FGF12: variants seen among roughly 807,000 people sequenced by gnomAD.
The protein encoded by FGF12 is fibroblast growth factor 12B.
Under a neutral mutation model 23.6 loss-of-function variants are expected in FGF12, and 14 were observed. The observed-to-expected ratio is 0.59, with a 90% confidence interval of 0.39 to 0.93. The LOEUF is 0.93. Among genes scored for constraint, FGF12 ranks in the 40% least tolerant of loss-of-function variants. The pLI is 0.00. For synonymous variants in FGF12, 62 were observed against 77.3 expected (o/e 0.80, Z 1.04); for missense variants, 175 against 217.8 (o/e 0.80, Z 1.24).
At chr3:192,301,682 G>A (rs1232401869) in intron 4 of FGF12, among the ~76,000 whole-genome samples, 1 of 152,188 alleles carries the variant, frequency 6.6e-6, no homozygotes, top group African/African-American at 2.4e-5. Flanking sequence ...AGAGTGGAGG[G>A]AGGGTGTTCC....
chr3:192,558,406 A>G (rs1476147440), intron 2 of FGF12, among the ~76,000 whole-genome samples: 2 of 151,964 alleles, frequency 1.3e-5, no homozygotes, highest in African/African-American at 4.8e-5. Flanking sequence ...TAAAAACTAC[A>G]AAACTTTGTT....
intron 2 of FGF12, among the ~76,000 whole-genome samples, chr3:192,483,442 GTC>G (rs1723538196): frequency 6.6e-6 from 1 of 152,090 alleles, no homozygotes; most frequent in African/African-American, 2.4e-5. Context: ...AATGTCTAAT[GTC>G]TCTTACTGAA....
intron 2 of FGF12, among the ~76,000 whole-genome samples, chr3:192,456,111 G>A (rs1206329238): frequency 6.6e-6 from 1 of 152,186 alleles, no homozygotes; most frequent in Non-Finnish European, 1.5e-5. Flanking sequence ...GACAAAATAT[G>A]AGAGATGATA....
chr3:192,445,065 G>A (rs1388789929), intron 2 of FGF12, among the ~76,000 whole-genome samples: 1 of 152,194 alleles, frequency 6.6e-6, no homozygotes, highest in Non-Finnish European at 1.5e-5. Context: ...TTAAAGCAGA[G>A]CACTAATTAC....
chr3:192,380,345 G>T (rs1719763283), intron 2 of FGF12, among the ~76,000 whole-genome samples: 1 of 152,086 alleles, frequency 6.6e-6, no homozygotes, highest in Non-Finnish European at 1.5e-5. Context: ...GATAATTTAT[G>T]GTTGATTTCA....
intron 2 of FGF12, among the ~76,000 whole-genome samples, chr3:192,502,351 T>A (rs779143061): frequency 2.0e-5 from 3 of 152,174 alleles, no homozygotes; most frequent in Non-Finnish European, 4.4e-5. Flanking sequence ...TGTTTGAAAA[T>A]CCTTGTTTAT....
rs148716158 is a variant in FGF12 at position 192,693,525 on chromosome 3, G to T, written c.13+33656C>A. Among the ~76,000 whole-genome samples the T allele has an allele frequency of 4.3e-3, 647 of 151,994 alleles. 4 individuals are homozygous for T. Among genetic ancestry groups the T allele is most frequent in the African/African-American group, 0.015 (623 of 41,452 alleles). Reference sequence around the variant, plus strand: ...TCCCGATTTCAAATTATATTACCAAGATAAAAACAATATAGTACTACCATG... The same window carrying T: ...TCCCGATTTCAAATTATATTACCAATATAAAAACAATATAGTACTACCATG... On this transcript the variant is annotated intron_variant, in intron 2 of 5. Transcript: ENST00000445105.
chr3:192,680,490 G>C (rs546189702), intron 2 of FGF12, among the ~76,000 whole-genome samples: 17 of 152,204 alleles, frequency 1.1e-4, no homozygotes, highest in African/African-American at 4.1e-4. Context: ...TTTTGCAGGG[G>C]TTATTCAGGT....
Position 192,146,526 on chromosome 3 carries a change from C to T in FGF12, c.428-2399G>A, listed in dbSNP as rs989846682. Among the ~76,000 whole-genome samples the T allele has an allele frequency of 2.0e-5, 3 of 152,164 alleles. No homozygotes were observed. In the East Asian group the frequency reaches 5.8e-4, roughly 29 times the overall value. On this transcript the variant is annotated intron_variant, in intron 5 of 5. Coordinates refer to ENST00000445105, the MANE Select transcript of FGF12 (RefSeq NM_004113.6). ...CCTCGTGATCCACCCGCCTCGACCT[C>T]CCAAAGTGCTGGGATTACAGGCATG...
At chr3:192,504,193 T>C (rs907746034) in intron 2 of FGF12, among the ~76,000 whole-genome samples, 2 of 151,762 alleles carry the variant, frequency 1.3e-5, no homozygotes, top group African/African-American at 4.8e-5. Flanking sequence ...TACTTGAGAG[T>C]GGAGGGTGTG....
At chr3:192,371,735 T>C (rs1258460205) in intron 2 of FGF12, among the ~76,000 whole-genome samples, 3 of 107,770 alleles carry the variant, frequency 2.8e-5, no homozygotes, top group East Asian at 3.9e-4. Flanking sequence ...GGTACTATCA[T>C]TGGGCTTTTT....
intron 4 of FGF12, among the ~76,000 whole-genome samples, chr3:192,291,664 T>C (rs1228299515): frequency 6.6e-6 from 1 of 152,098 alleles, no homozygotes. Flanking sequence ...ATGAATACTC[T>C]GGGAAGTACT....
intron 2 of FGF12, among the ~76,000 whole-genome samples, chr3:192,605,558 A>G (rs1157314385): frequency 6.6e-6 from 1 of 152,140 alleles, no homozygotes; most frequent in Admixed American, 6.6e-5. Context: ...TAAACAGACA[A>G]CCTACAGAAA....
chr3:192,375,511 T>G lies in FGF12; in HGVS notation c.14-14973A>C, dbSNP rs75335058. On this transcript the variant is annotated intron_variant, in intron 2 of 5. Transcript: ENST00000445105. ...GCTTTTATCAAATAATGCAAACGGC[T>G]AAAAACTCAAATCCACATATTCCTA... 2.6e-3 allele frequency among the ~76,000 whole-genome samples: 389 copies of G among 152,328 alleles called. 2 individuals carry two copies. Among genetic ancestry groups the G allele is most frequent in the African/African-American group, 8.8e-3 (366 of 41,592 alleles).
At position 192,397,450 on chromosome 3, in the gene FGF12, T is replaced by C. The variant is rs989644093; in HGVS notation, c.14-36912A>G. ...TTCCTAGAATTCTGAGCTTCTGAAC[T>C]ATCACCTCATATGCCATCTCTTCTT... On this transcript the variant is annotated intron_variant, in intron 2 of 5. Transcript: ENST00000445105. Among the ~76,000 whole-genome samples the C allele has an allele frequency of 2.0e-5, 3 of 152,336 alleles. No homozygotes were observed. In the East Asian group the frequency reaches 5.8e-4, roughly 29 times the overall value.
At chr3:192,261,531 AT>A (rs1372790824) in intron 4 of FGF12, among the ~76,000 whole-genome samples, 1 of 152,132 alleles carries the variant, frequency 6.6e-6, no homozygotes, top group African/African-American at 2.4e-5. Flanking sequence ...TAATTACTGA[AT>A]TGGCACTATG....
Position 192,332,132 on chromosome 3 carries a change from T to C in FGF12, c.228+3229A>G, listed in dbSNP as rs1346046478. 3.3e-5 allele frequency among the ~76,000 whole-genome samples: 5 copies of C among 152,168 alleles called. No homozygotes were observed. The South Asian group carries it at 6.2e-4, about 19-fold the overall frequency. ...TAGCTATAACATAACTAATTGTGCATATGATTTTATTTTAAAGTGCAACTA... is the reference window on the plus strand; with the variant it reads ...TAGCTATAACATAACTAATTGTGCACATGATTTTATTTTAAAGTGCAACTA... On this transcript the variant is annotated intron_variant, in intron 4 of 5. Transcript: ENST00000445105.
chr3:192,406,087 G>A (rs993778130), intron 2 of FGF12, among the ~76,000 whole-genome samples: 1 of 150,952 alleles, frequency 6.6e-6, no homozygotes, highest in Non-Finnish European at 1.5e-5. Context: ...CAAATTAAAC[G>A]AACACTGAAG....
At chr3:192,558,410 C>T (rs921309761) in intron 2 of FGF12, among the ~76,000 whole-genome samples, 1 of 151,672 alleles carries the variant, frequency 6.6e-6, no homozygotes, top group Non-Finnish European at 1.5e-5. Context: ...AACTACAAAA[C>T]TTTGTTGAAA....
Sources: gnomAD v4.1 joint callset for allele counts (sites outside exome capture counted in the v4.1 genomes callset) on GRCh38, gnomAD v4.1.1 for gene constraint, MANE v1.5 for transcripts, NCBI Gene and HGNC (gene_info 2026-07-23, HGNC 2026-07-21) for gene names.